The following LDLRAD4 variants were observed in gnomAD, a reference collection of about 807,000 sequenced individuals.
LDLRAD4 encodes the protein low-density lipoprotein receptor class A domain-containing protein 4.
Under a neutral mutation model 17.0 loss-of-function variants are expected in LDLRAD4, and 5 were observed. That is an observed-to-expected ratio of 0.29 (90% CI 0.15 to 0.62). The LOEUF is 0.62. Among genes scored for constraint, LDLRAD4 ranks in the 20% least tolerant of loss-of-function variants. The probability of loss-of-function intolerance (pLI) is 0.84; values close to 1 mark genes in which losing one functional copy is unlikely to be tolerated. For missense variants in LDLRAD4, 340 were observed against 424.7 expected, an observed-to-expected ratio of 0.80 and a Z score of 1.75; for synonymous variants, 168 against 171.8, an observed-to-expected ratio of 0.98 and a Z score of 0.17.
At chr18:13,338,762 C>T (rs933274594) in intron 1 of LDLRAD4, among the ~76,000 whole-genome samples, 2 of 152,092 alleles carry the variant, frequency 1.3e-5, no homozygotes, top group Admixed American at 6.5e-5. Context: ...CACATTCTGG[C>T]TCGTGTGTTT....
chr18:13,327,575 G>A (rs559227324), intron 1 of LDLRAD4, among the ~76,000 whole-genome samples: 228 of 152,192 alleles, frequency 1.5e-3, no homozygotes, highest in Non-Finnish European at 2.5e-3. Context: ...CATATGGTGC[G>A]TGTATTTTTT....
chr18:13,393,084 C>T (rs759758313), intron 2 of LDLRAD4, among the ~76,000 whole-genome samples: 17 of 152,154 alleles, frequency 1.1e-4, no homozygotes, highest in Non-Finnish European at 1.9e-4. Flanking sequence ...GAGCAGCTCC[C>T]GGCGTGCCCT....
At chr18:13,619,486 TTGTG>T (rs58820493) in intron 3 of LDLRAD4, among the ~76,000 whole-genome samples, 1 of 124,754 alleles carries the variant, frequency 8.0e-6, no homozygotes, top group Non-Finnish European at 1.7e-5. Flanking sequence ...GGGAGCGTTT[TTGTG>T]TGTGTGTGGG....
chr18:13,590,185 AAGG>A (rs889511160), intron 3 of LDLRAD4, among the ~76,000 whole-genome samples: 2 of 147,070 alleles, frequency 1.4e-5, no homozygotes, highest in African/African-American at 5.1e-5. Context: ...AGTACGGGGG[AAGG>A]AGATGTGGGT....
chr18:13,596,178 T>G (rs1468244213), intron 3 of LDLRAD4, among the ~76,000 whole-genome samples: 1 of 152,204 alleles, frequency 6.6e-6, no homozygotes, highest in Non-Finnish European at 1.5e-5. Context: ...TGTCTGGTAT[T>G]AGTATGGTCG....
At chr18:13,508,741 G>GATAGA (rs2093733317) in intron 3 of LDLRAD4, among the ~76,000 whole-genome samples, 1 of 152,116 alleles carries the variant, frequency 6.6e-6, no homozygotes, top group South Asian at 2.1e-4. Context: ...TAATGCACCT[G>GATAGA]GTCACCAAGA....
intron 1 of LDLRAD4, among the ~76,000 whole-genome samples, chr18:13,307,247 A>G (rs1445810210): frequency 6.6e-6 from 1 of 152,148 alleles, no homozygotes; most frequent in South Asian, 2.1e-4. Context: ...CACCTCCTTC[A>G]TCGCTTCTGT....
At chr18:13,604,430 C>T (rs1181501248) in intron 3 of LDLRAD4, among the ~76,000 whole-genome samples, 2 of 152,156 alleles carry the variant, frequency 1.3e-5, no homozygotes, top group Admixed American at 6.5e-5. Flanking sequence ...CCATATACTG[C>T]GTGTGTGCAA....
chr18:13,643,975 A>G (rs1395791735), intron 5 of LDLRAD4, among the ~76,000 whole-genome samples: 1 of 152,250 alleles, frequency 6.6e-6, no homozygotes, highest in African/African-American at 2.4e-5. Flanking sequence ...GGTAGAACAA[A>G]TGAGAAGATT....
intron 3 of LDLRAD4, among the ~76,000 whole-genome samples, chr18:13,441,482 A>G (rs1012337948): frequency 6.6e-6 from 1 of 152,134 alleles, no homozygotes; most frequent in Non-Finnish European, 1.5e-5. Context: ...TGTGTGATCT[A>G]TGTCACCTTG....
At chr18:13,474,615 G>A (rs2092889843) in intron 3 of LDLRAD4, among the ~76,000 whole-genome samples, 1 of 152,232 alleles carries the variant, frequency 6.6e-6, no homozygotes, top group Non-Finnish European at 1.5e-5. Context: ...GGGGAGCAGA[G>A]GAACTGGGAT....
chr18:13,589,989 G>C (rs1246112602), intron 3 of LDLRAD4, among the ~76,000 whole-genome samples: 1 of 151,888 alleles, frequency 6.6e-6, no homozygotes, highest in Non-Finnish European at 1.5e-5. Flanking sequence ...GTGGCTGCGT[G>C]TGTGGGGGTG....
chr18:13,488,850 C>T (rs532384804), intron 3 of LDLRAD4: 19 of 152,344 alleles, frequency 1.2e-4, no homozygotes, highest in Non-Finnish European at 2.4e-4. Flanking sequence ...GGAATTGATA[C>T]AGGGGCCAGG....
intron 2 of LDLRAD4, among the ~76,000 whole-genome samples, chr18:13,433,418 T>C (rs2090464891): frequency 6.6e-6 from 1 of 152,240 alleles, no homozygotes; most frequent in Non-Finnish European, 1.5e-5. Context: ...AAAGGCTGAT[T>C]TTACAGCTGA....
At chr18:13,487,486 G>A (rs1648618) in intron 3 of LDLRAD4, 89,411 of 152,198 alleles carry the variant, frequency 0.59, 26,482 homozygotes, top group South Asian at 0.65. Context: ...TTGTGGCATC[G>A]GCGTCATTTC....
At chr18:13,258,757 A>G (rs546085162) in intron 1 of LDLRAD4, among the ~76,000 whole-genome samples, 2 of 152,208 alleles carry the variant, frequency 1.3e-5, no homozygotes, top group African/African-American at 2.4e-5. Context: ...CTGGCTTAGT[A>G]TGAAGTTTAG....
At chr18:13,404,563 C>G (rs767168801) in intron 2 of LDLRAD4, among the ~76,000 whole-genome samples, 2 of 152,032 alleles carry the variant, frequency 1.3e-5, no homozygotes, top group Non-Finnish European at 2.9e-5. Flanking sequence ...CTTGGGAGGC[C>G]GAGACGGGCG....
At chr18:13,347,167 C>T (rs1445434963) in intron 1 of LDLRAD4, among the ~76,000 whole-genome samples, 8 of 152,276 alleles carry the variant, frequency 5.3e-5, no homozygotes, top group East Asian at 1.9e-4. Flanking sequence ...TTCCTAGCCT[C>T]GATGGTCTTT....
chr18:13,353,753 G>C (rs946846280), intron 1 of LDLRAD4, among the ~76,000 whole-genome samples: 1 of 152,190 alleles, frequency 6.6e-6, no homozygotes, highest in Non-Finnish European at 1.5e-5. Context: ...CCAGCCCAAG[G>C]CTACACCAGG....
Sources: allele counts gnomAD v4.1 joint callset (sites outside exome capture counted in the v4.1 genomes callset), GRCh38; gene constraint gnomAD v4.1.1; transcripts MANE v1.5; gene names NCBI Gene and HGNC (gene_info 2026-07-23, HGNC 2026-07-21).